Variants in LINGO1 observed in about 807,000 individuals in gnomAD.
The protein encoded by LINGO1 is leucine-rich repeat and immunoglobulin-like domain-containing nogo receptor-interacting protein 1.
LINGO1 carries 11 observed loss-of-function variants against 37.3 expected under a neutral mutation model. That is an observed-to-expected ratio of 0.29 (90% confidence interval 0.19 to 0.49). LINGO1 has a LOEUF of 0.49. Among genes scored for constraint, LINGO1 ranks in the 20% least tolerant of loss-of-function variants. LINGO1 has a pLI of 0.99. For missense variants in LINGO1, 585 were observed against 878.2 expected, an observed-to-expected ratio of 0.67 and a Z score of 4.22; for synonymous variants, 387 against 403.0, an observed-to-expected ratio of 0.96 and a Z score of 0.48.
At chr15:77,771,925 G>A (rs1341402631) in intron 1 of LINGO1, among the ~76,000 whole-genome samples, 6 of 152,338 alleles carry the variant, frequency 3.9e-5, no homozygotes, top group Admixed American at 2.6e-4. Flanking sequence ...TCCTCGTTCA[G>A]AGGTTGGGCC....
chr15:77,752,136 C>T (rs915295675), intron 1 of LINGO1, among the ~76,000 whole-genome samples: 2 of 152,182 alleles, frequency 1.3e-5, no homozygotes, highest in African/African-American at 2.4e-5. Context: ...GCCAGGAAAA[C>T]GCTGCTGGGG....
intron 1 of LINGO1, among the ~76,000 whole-genome samples, chr15:77,798,471 G>A (rs1311165928): frequency 2.0e-5 from 3 of 152,216 alleles, no homozygotes; most frequent in Admixed American, 1.3e-4. Context: ...TGGGCCTCCC[G>A]CTCCCTTCCC....
At chr15:77,810,138 C>T (rs1250415048) in intron 1 of LINGO1, among the ~76,000 whole-genome samples, 2 of 152,044 alleles carry the variant, frequency 1.3e-5, no homozygotes, top group Non-Finnish European at 2.9e-5. Flanking sequence ...TCCCAGATGG[C>T]TGAGCCTCAG....
At chr15:77,775,863 GGCACCCCA>G (rs2076632331) in intron 1 of LINGO1, among the ~76,000 whole-genome samples, 1 of 152,124 alleles carries the variant, frequency 6.6e-6, no homozygotes, top group Admixed American at 6.5e-5. Context: ...CACAGCAGCG[GGCACCCCA>G]CTGCCCCACA....
chr15:77,732,709 C>A (rs933037481), intron 2 of LINGO1, among the ~76,000 whole-genome samples: 1 of 152,266 alleles, frequency 6.6e-6, no homozygotes, highest in African/African-American at 2.4e-5. Context: ...TGCCTGCACA[C>A]AGAGCCCATG....
chr15:77,739,983 G>C (rs138277300), intron 1 of LINGO1, among the ~76,000 whole-genome samples: 7 of 152,378 alleles, frequency 4.6e-5, no homozygotes, highest in African/African-American at 1.7e-4. Flanking sequence ...TCCTGTGCCA[G>C]GCACTGAGCT....
At chr15:77,708,441 G>A (rs777417538) in intron 2 of LINGO1, among the ~76,000 whole-genome samples, 1 of 152,202 alleles carries the variant, frequency 6.6e-6, no homozygotes, top group Non-Finnish European at 1.5e-5. Context: ...TCTGGGCCCA[G>A]AAGGAAAACG....
chr15:77,779,825 C>G (rs1429531569), intron 1 of LINGO1, among the ~76,000 whole-genome samples: 3 of 152,168 alleles, frequency 2.0e-5, no homozygotes, highest in Non-Finnish European at 4.4e-5. Context: ...CCTCCCAGAT[C>G]CTAAAACAGT....
chr15:77,633,363 C>G (rs142299867), upstream of LINGO1, among the ~76,000 whole-genome samples: 396 of 151,756 alleles, frequency 2.6e-3, no homozygotes, highest in African/African-American at 9.2e-3. Context: ...AACACACGCA[C>G]GAGGACGGAC....
intron 1 of LINGO1, among the ~76,000 whole-genome samples, chr15:77,742,405 G>T (rs2076273471): frequency 6.6e-6 from 1 of 152,178 alleles, no homozygotes; most frequent in Non-Finnish European, 1.5e-5. Context: ...GGGCACATCA[G>T]CTCACCTCCC....
chr15:77,807,434 A>G (rs2076969186), intron 1 of LINGO1, among the ~76,000 whole-genome samples: 1 of 152,238 alleles, frequency 6.6e-6, no homozygotes, highest in Admixed American at 6.5e-5. Context: ...TCCCGGGTGC[A>G]GCAGCCAGTC....
chr15:77,641,175 C>T (rs889326319), intron 3 of LINGO1, among the ~76,000 whole-genome samples: 1 of 152,176 alleles, frequency 6.6e-6, no homozygotes, highest in South Asian at 2.1e-4. Context: ...CAAGGAGGTG[C>T]CAGCTCAGCT....
intron 1 of LINGO1, among the ~76,000 whole-genome samples, chr15:77,774,670 G>A (rs974057570): frequency 2.6e-5 from 4 of 152,180 alleles, no homozygotes; most frequent in African/African-American, 9.7e-5. Context: ...ATCCAGTTTG[G>A]GGCCCAGGGT....
intron 1 of LINGO1, among the ~76,000 whole-genome samples, chr15:77,783,700 C>A (rs1442548221): frequency 1.3e-5 from 2 of 152,186 alleles, no homozygotes; most frequent in African/African-American, 4.8e-5. Flanking sequence ...GCTGCTGCTG[C>A]TAAAACGAAT....
intron 2 of LINGO1, among the ~76,000 whole-genome samples, chr15:77,731,068 C>A (rs1415726635): frequency 6.6e-6 from 1 of 152,218 alleles, no homozygotes; most frequent in Non-Finnish European, 1.5e-5. Context: ...TCATGCTTGG[C>A]ATTCAATGTC....
At chr15:77,680,703 G>T (rs1215383259) in intron 2 of LINGO1, among the ~76,000 whole-genome samples, 1 of 152,140 alleles carries the variant, frequency 6.6e-6, no homozygotes, top group African/African-American at 2.4e-5. Flanking sequence ...TTAGAGCAAA[G>T]GCTGGGGCAT....
chr15:77,775,208 C>A (rs2076625323), intron 1 of LINGO1, among the ~76,000 whole-genome samples: 1 of 152,152 alleles, frequency 6.6e-6, no homozygotes. Context: ...TTCAAGCCCC[C>A]ACTTGATGAT....
intron 2 of LINGO1, among the ~76,000 whole-genome samples, chr15:77,705,590 G>A (rs779220242): frequency 6.6e-6 from 1 of 152,252 alleles, no homozygotes; most frequent in East Asian, 1.9e-4. Context: ...AGACCAAGAA[G>A]GTGAGGTGGC....
intron 2 of LINGO1, among the ~76,000 whole-genome samples, chr15:77,688,097 G>A (rs1472117687): frequency 6.6e-6 from 1 of 152,210 alleles, no homozygotes; most frequent in African/African-American, 2.4e-5. Flanking sequence ...ACCCAGGTTT[G>A]ACCCAAGCCT....
Sources: allele counts gnomAD v4.1 joint callset (sites outside exome capture counted in the v4.1 genomes callset), GRCh38; gene constraint gnomAD v4.1.1; transcripts MANE v1.5; gene names NCBI Gene and HGNC (gene_info 2026-07-23, HGNC 2026-07-21).